The following ANKFY1 variants were observed in gnomAD, a reference collection of about 807,000 sequenced individuals.
The protein encoded by ANKFY1 is ankyrin repeat and FYVE domain containing 1.
ANKFY1 carries 47 observed loss-of-function variants against 128.3 expected under a neutral mutation model. That is an observed-to-expected ratio of 0.37 (90% CI 0.29 to 0.47). The LOEUF is 0.47. Among genes scored for constraint, ANKFY1 ranks in the 20% least tolerant of loss-of-function variants. The pLI is 1.00. For missense variants in ANKFY1, 1,222 were observed against 1,510.6 expected (o/e 0.81, Z 3.17); for synonymous variants, 553 against 601.6 (o/e 0.92, Z 1.18).
In ANKFY1 at chr17:4,263,957, G is replaced by C; in HGVS notation, c.-16C>G. 1 of 1,613,996 alleles carries C rather than the reference G, an allele frequency of 6.2e-7. No homozygotes were observed. The highest frequency in any genetic ancestry group is 2.2e-5 in the East Asian group (1 of 44,862). ...CTTCCGCCATGTCTGGCCCGGCACT[G>C]CCTGCAACCTCGCGAGAAGTGCGCG... On this transcript the variant is annotated 5_prime_UTR_variant, in exon 1 of 25. Transcript: ENST00000341657.
At chr17:4,241,512 G>C (rs144980891) in intron 2 of ANKFY1, among the ~76,000 whole-genome samples, 5 of 151,712 alleles carry the variant, frequency 3.3e-5, no homozygotes, top group African/African-American at 9.7e-5. Flanking sequence ...CTGACCTCGT[G>C]ATCTGCCCAC....
At chr17:4,260,818 T>C (rs1187045167) in intron 1 of ANKFY1, among the ~76,000 whole-genome samples, 1 of 152,120 alleles carries the variant, frequency 6.6e-6, no homozygotes, top group African/African-American at 2.4e-5. Flanking sequence ...GTATCCTCAG[T>C]CTCTCACGAT....
rs1391214066 is a variant in ANKFY1 at position 4,238,297 on chromosome 17, T to C, written c.204-2407A>G. ...AAATCTTTCAACAAAATGCATGTTATGGGATAAAGGTATTTTTTCCCCTAC... is the reference window on the plus strand; with the variant it reads ...AAATCTTTCAACAAAATGCATGTTACGGGATAAAGGTATTTTTTCCCCTAC... On this transcript the variant is annotated intron_variant, in intron 2 of 24. Coordinates refer to ENST00000341657, the MANE Select transcript of ANKFY1 (RefSeq NM_001330063.2). Among the ~76,000 whole-genome samples the C allele has an allele frequency of 2.0e-5, 3 of 152,166 alleles. No homozygotes were observed. The East Asian group carries it at 5.8e-4, about 29-fold the overall frequency.
chr17:4,263,490 C>A, intron 1 of ANKFY1: 104 of 838,128 alleles, frequency 1.2e-4, no homozygotes, highest in Non-Finnish European at 1.5e-4. Flanking sequence ...CTCACCCCAA[C>A]CCAGCCCGAG....
intron 1 of ANKFY1, chr17:4,263,445 C>G: frequency 8.3e-7 from 1 of 1,201,972 alleles, no homozygotes; most frequent in Non-Finnish European, 1.1e-6. Context: ...AAGCGTGGGC[C>G]AGCTCGCTGC....
chr17:4,263,468 A>ACCCCCCCCCCC, intron 1 of ANKFY1: 1 of 386,872 alleles, frequency 2.6e-6, no homozygotes, highest in South Asian at 2.2e-5. Flanking sequence ...CCTCGCCCCC[A>ACCCCCCCCCCC]CCCCACCCCA....
At chr17:4,216,682 G>T in intron 4 of ANKFY1, 1 of 383,552 alleles carries the variant, frequency 2.6e-6, no homozygotes, top group African/African-American at 2.1e-5. Context: ...AGAAAGGGAA[G>T]GAAAGCTGAA....
intron 7 of ANKFY1, among the ~76,000 whole-genome samples, chr17:4,204,816 C>T (rs1001390631): frequency 2.6e-5 from 4 of 152,132 alleles, no homozygotes; most frequent in Non-Finnish European, 5.9e-5. Context: ...GAATCACACT[C>T]AGTGCTAAGC....
At chr17:4,253,640 T>G (rs1013331196) in intron 1 of ANKFY1, among the ~76,000 whole-genome samples, 1 of 152,130 alleles carries the variant, frequency 6.6e-6, no homozygotes, top group Non-Finnish European at 1.5e-5. Flanking sequence ...AACCAAACAA[T>G]TTCAGCTGGT....
chr17:4,213,182 G>A (rs1023949221), intron 4 of ANKFY1, among the ~76,000 whole-genome samples: 7 of 151,944 alleles, frequency 4.6e-5, no homozygotes, highest in Admixed American at 2.0e-4. Flanking sequence ...TTTACACTAA[G>A]ATCTGTCAAA....
intron 3 of ANKFY1, among the ~76,000 whole-genome samples, chr17:4,227,834 T>C (rs938846436): frequency 6.6e-6 from 1 of 152,200 alleles, no homozygotes; most frequent in Non-Finnish European, 1.5e-5. Context: ...ATGGCTAAAA[T>C]TGTAAACAAA....
chr17:4,263,884 C>A, intron 1 of ANKFY1, 48 bp downstream of exon 1: 2 of 1,613,464 alleles, frequency 1.2e-6, no homozygotes, highest in African/African-American at 1.3e-5. Context: ...GCCAGCAGCG[C>A]CCCCACAGCT....
chr17:4,232,867 C>T (rs962044924), intron 3 of ANKFY1, among the ~76,000 whole-genome samples: 2 of 152,092 alleles, frequency 1.3e-5, no homozygotes, highest in African/African-American at 4.8e-5. Context: ...CGTTTTGTTT[C>T]AGAGAGCAGC....
chr17:4,190,563 A>G (rs541367996), intron 10 of ANKFY1, among the ~76,000 whole-genome samples: 3 of 152,362 alleles, frequency 2.0e-5, no homozygotes, highest in African/African-American at 2.4e-5. Flanking sequence ...TTTAAGTCCT[A>G]TTAGAAAATG....
rs1214167310 is a variant in ANKFY1 at position 4,169,132 on chromosome 17, G to C, written c.3377+66C>G. 2 of 1,441,950 alleles carry C rather than the reference G, an allele frequency of 1.4e-6. No individual in the cohort carries two copies. The highest frequency in any genetic ancestry group is 5.0e-5 in the East Asian group (2 of 39,964). The allele number at this position is 1,441,950 out of a possible 1,614,324, so 89.3% of individuals were successfully genotyped here. A position where few individuals can be genotyped will look rare whatever the true frequency, so the allele number is the denominator to read the frequency against. ...AGGCAAGTTCACGGCCTGTCCTGGA[G>C]AAGGGGGGAAGCAATGACATCAGCG... On this transcript the variant is annotated intron_variant, in intron 24 of 24. Transcript: ENST00000341657. The surrounding 1 kb of genome is among the most constrained non-coding windows in gnomAD (Gnocchi z 5.0).
At chr17:4,198,783 AT>A (rs1458438089) in intron 7 of ANKFY1, among the ~76,000 whole-genome samples, 1 of 152,242 alleles carries the variant, frequency 6.6e-6, no homozygotes, top group African/African-American at 2.4e-5. Flanking sequence ...AAAATTTCAC[AT>A]GGTAAATAAC....
chr17:4,202,096 C>T (rs112400646), intron 7 of ANKFY1, among the ~76,000 whole-genome samples: 2,895 of 152,156 alleles, frequency 0.019, 45 homozygotes, highest in African/African-American at 0.041. Context: ...AAAATATATT[C>T]CAAACTAAGA....
At chr17:4,211,088 A>G (rs2060122104) in intron 4 of ANKFY1, among the ~76,000 whole-genome samples, 2 of 152,058 alleles carry the variant, frequency 1.3e-5, no homozygotes, top group South Asian at 2.1e-4. Flanking sequence ...CTCACCTAAA[A>G]TATCTATAAT....
intron 3 of ANKFY1, chr17:4,222,529 T>G: frequency 9.0e-7 from 1 of 1,105,598 alleles, no homozygotes; most frequent in Non-Finnish European, 1.4e-6. Context: ...ACGCACTTTA[T>G]CAGTATTTCG....
Sources: allele counts gnomAD v4.1 joint callset (sites outside exome capture counted in the v4.1 genomes callset), GRCh38; gene constraint gnomAD v4.1.1; non-coding constraint Gnocchi (gnomAD v3.1); transcripts MANE v1.5; gene names NCBI Gene and HGNC (gene_info 2026-07-23, HGNC 2026-07-21).